The following MBOAT1 variants were observed in gnomAD, a reference collection of about 807,000 sequenced individuals.
The protein encoded by MBOAT1 is membrane bound glycerophospholipid O-acyltransferase 1, also known as membrane-bound glycerophospholipid O-acyltransferase 1.
A neutral mutation model predicts 64.4 loss-of-function variants in MBOAT1; 67 were observed. The ratio of observed to expected loss-of-function variants is 1.04; its 90% CI spans 0.85 to 1.27. MBOAT1 has a LOEUF of 1.27. Ranked by LOEUF, MBOAT1 falls within the 50% of genes most tolerant of loss-of-function variation. The probability of loss-of-function intolerance (pLI) is 0.00; values close to 1 mark genes in which losing one functional copy is unlikely to be tolerated. For missense variants in MBOAT1, 563 were observed against 604.6 expected, an observed-to-expected ratio of 0.93 and a Z score of 0.72; for synonymous variants, 229 against 218.9, an observed-to-expected ratio of 1.05 and a Z score of -0.41.
intron 3 of MBOAT1, among the ~76,000 whole-genome samples, chr6:20,146,226 T>G (rs1401412521): frequency 1.3e-5 from 2 of 152,066 alleles, no homozygotes; most frequent in Non-Finnish European, 2.9e-5. Flanking sequence ...TATATTGAAA[T>G]CACATATTCA....
At chr6:20,181,274 G>A (rs10946366) in intron 1 of MBOAT1, among the ~76,000 whole-genome samples, 100,423 of 152,050 alleles carry the variant, frequency 0.66, 33,614 homozygotes, top group African/African-American at 0.75. Flanking sequence ...AGCATCTCAG[G>A]AAGGATAAAG....
At chr6:20,192,268 T>C (rs1762823685) in intron 1 of MBOAT1, among the ~76,000 whole-genome samples, 1 of 152,214 alleles carries the variant, frequency 6.6e-6, no homozygotes. Context: ...CCATCTGTCA[T>C]CTATTTCTCA....
chr6:20,106,842 A>C (rs1759973516), intron 12 of MBOAT1, among the ~76,000 whole-genome samples: 1 of 152,196 alleles, frequency 6.6e-6, no homozygotes, highest in Admixed American at 6.5e-5. Flanking sequence ...TGACCCAAAA[A>C]ATGTCAACTC....
intron 3 of MBOAT1, among the ~76,000 whole-genome samples, chr6:20,148,186 G>C (rs1386123477): frequency 6.6e-6 from 1 of 152,182 alleles, no homozygotes; most frequent in Non-Finnish European, 1.5e-5. Flanking sequence ...TTGGGAAGCC[G>C]AGGCAGGCAA....
chr6:20,126,386 G>C, intron 7 of MBOAT1, 131 bp downstream of exon 7: 2 of 764,284 alleles, frequency 2.6e-6, no homozygotes, highest in Non-Finnish European at 2.1e-6. Flanking sequence ...AACTATACTG[G>C]TATTTTAAAT....
At chr6:20,120,981 G>A (rs1233493033) in intron 8 of MBOAT1, among the ~76,000 whole-genome samples, 1 of 152,124 alleles carries the variant, frequency 6.6e-6, no homozygotes, top group Non-Finnish European at 1.5e-5. Flanking sequence ...TAATTTGTAC[G>A]CCCATCTGTT....
At chr6:20,187,073 A>G (rs1446306929) in intron 1 of MBOAT1, among the ~76,000 whole-genome samples, 2 of 152,240 alleles carry the variant, frequency 1.3e-5, no homozygotes, top group African/African-American at 2.4e-5. Context: ...TTCCGATATT[A>G]AAGTCCTCCC....
At chr6:20,124,022 G>A (rs538726842) in intron 8 of MBOAT1, among the ~76,000 whole-genome samples, 21 of 152,114 alleles carry the variant, frequency 1.4e-4, no homozygotes, top group East Asian at 3.9e-4. Context: ...GTGCCACTGC[G>A]CTCCAGCCTG....
intron 8 of MBOAT1, among the ~76,000 whole-genome samples, chr6:20,121,955 A>G (rs1316201517): frequency 6.6e-6 from 1 of 152,068 alleles, no homozygotes; most frequent in African/African-American, 2.4e-5. Context: ...ACCTGAGGTC[A>G]GGAGTTCAAG....
intron 4 of MBOAT1, among the ~76,000 whole-genome samples, chr6:20,136,236 T>C (rs959209184): frequency 1.4e-4 from 21 of 152,336 alleles, no homozygotes; most frequent in Admixed American, 3.9e-4. Flanking sequence ...CAGAGTTCAT[T>C]AGTATCTATT....
chr6:20,212,026 G>A, intron 1 of MBOAT1, 110 bp downstream of exon 1: 7 of 860,080 alleles, frequency 8.1e-6, no homozygotes, highest in Non-Finnish European at 1.1e-5. Context: ...TCTAGTGTGT[G>A]GCTGTAAAAT....
intron 1 of MBOAT1, among the ~76,000 whole-genome samples, chr6:20,186,308 T>G (rs998803081): frequency 6.6e-6 from 1 of 152,224 alleles, no homozygotes; most frequent in Non-Finnish European, 1.5e-5. Context: ...AAGGAGGCAG[T>G]GTCTTCACCT....
chr6:20,135,313 T>C (rs887261524), intron 4 of MBOAT1, among the ~76,000 whole-genome samples: 1 of 152,056 alleles, frequency 6.6e-6, no homozygotes, highest in African/African-American at 2.4e-5. Context: ...TAGGAAAAAT[T>C]AAGAGAAAAC....
chr6:20,144,153 T>G (rs995172748), intron 4 of MBOAT1, 67 bp downstream of exon 4: 1 of 1,039,154 alleles, frequency 9.6e-7, no homozygotes, highest in Non-Finnish European at 1.5e-6. Flanking sequence ...CCCTTGATGT[T>G]TACAGACCCC....
intron 1 of MBOAT1, among the ~76,000 whole-genome samples, chr6:20,154,080 G>T (rs2113698519): frequency 6.6e-6 from 1 of 152,320 alleles, no homozygotes; most frequent in Admixed American, 6.5e-5. Flanking sequence ...ATAAACTGCT[G>T]CTGATAACAA....
intron 1 of MBOAT1, among the ~76,000 whole-genome samples, chr6:20,160,530 A>G (rs1459409908): frequency 2.0e-5 from 3 of 152,226 alleles, no homozygotes; most frequent in African/African-American, 7.2e-5. Flanking sequence ...AATATTTGCA[A>G]ATCATAAGGG....
intron 1 of MBOAT1, among the ~76,000 whole-genome samples, chr6:20,166,386 C>G (rs1252497521): frequency 6.6e-6 from 1 of 152,104 alleles, no homozygotes; most frequent in East Asian, 1.9e-4. Flanking sequence ...TTTCTCCGCC[C>G]TAACTCCCTC....
At chr6:20,204,813 C>T (rs916455235) in intron 1 of MBOAT1, among the ~76,000 whole-genome samples, 1 of 152,218 alleles carries the variant, frequency 6.6e-6, no homozygotes, top group Admixed American at 6.5e-5. Flanking sequence ...GCACGGCCTC[C>T]AGTGACAGAC....
At chr6:20,177,168 G>A (rs1202206) in intron 1 of MBOAT1, among the ~76,000 whole-genome samples, 51,771 of 151,962 alleles carry the variant, frequency 0.34, 9,602 homozygotes, top group East Asian at 0.45. Context: ...CCAGAACTTT[G>A]TCACCTTTGC....
Sources: allele counts gnomAD v4.1 joint callset (sites outside exome capture counted in the v4.1 genomes callset), GRCh38; gene constraint gnomAD v4.1.1; transcripts MANE v1.5; gene names NCBI Gene and HGNC (gene_info 2026-07-23, HGNC 2026-07-21).